The following TNFSF4 variants were observed in gnomAD, a reference collection of about 807,000 sequenced individuals.
The protein encoded by TNFSF4 is tumor necrosis factor ligand superfamily member 4.
In TNFSF4, 4 loss-of-function variants were observed where a neutral mutation model predicts 7.3. The observed-to-expected ratio is 0.55, with a 90% CI of 0.27 to 1.25. The LOEUF (loss-of-function observed/expected upper bound fraction) is 1.25, where lower values mean the gene tolerates loss of function less well. Among genes scored for constraint, TNFSF4 ranks in the 50% most tolerant of loss-of-function variants. The pLI, the probability that TNFSF4 is intolerant of heterozygous loss-of-function variation, is 0.12. For synonymous variants in TNFSF4, 76 were observed against 83.7 expected (o/e 0.91, Z 0.50); for missense variants, 181 against 208.8 (o/e 0.87, Z 0.82).
chr1:173,236,751 G>C, the TNFSF4 span, among the ~76,000 whole-genome samples: 2 of 152,040 alleles, frequency 1.3e-5, no homozygotes, highest in African/African-American at 2.4e-5. Flanking sequence ...CTAAACACCA[G>C]ATATTTTTAC....
At chr1:173,335,015 G>A in the TNFSF4 span, among the ~76,000 whole-genome samples, 1 of 152,048 alleles carries the variant, frequency 6.6e-6, no homozygotes, top group Non-Finnish European at 1.5e-5. Flanking sequence ...TTGAGTTTGT[G>A]GGATAATGGT....
At chr1:173,200,181 C>T (rs767054847) in intron 1 of TNFSF4, among the ~76,000 whole-genome samples, 10 of 152,234 alleles carry the variant, frequency 6.6e-5, no homozygotes, top group Non-Finnish European at 1.5e-4. Flanking sequence ...AGCTCAGACT[C>T]GTGGCCTCGT....
At chr1:173,362,585 C>A in the TNFSF4 span, 1 of 515,856 alleles carries the variant, frequency 1.9e-6, no homozygotes, top group South Asian at 1.5e-5. Flanking sequence ...TCTTTCAGTT[C>A]AACAGTTGCC....
chr1:173,339,751 C>G, the TNFSF4 span, among the ~76,000 whole-genome samples: 1 of 152,094 alleles, frequency 6.6e-6, no homozygotes, highest in East Asian at 1.9e-4. Context: ...GGTTAGTGTG[C>G]TTTTTGTTGT....
At chr1:173,389,072 G>A in the TNFSF4 span, among the ~76,000 whole-genome samples, 108,880 of 152,102 alleles carry the variant, frequency 0.72, 39,252 homozygotes, top group African/African-American at 0.82. Context: ...TTCTTTTTAC[G>A]AATGGTAGTG....
chr1:173,350,200 T>C, the TNFSF4 span, among the ~76,000 whole-genome samples: 1 of 152,338 alleles, frequency 6.6e-6, no homozygotes, highest in Admixed American at 6.5e-5. Context: ...AAGCTTGGTT[T>C]TGCTGACATT....
the TNFSF4 span, among the ~76,000 whole-genome samples, chr1:173,241,368 C>A: frequency 6.6e-6 from 1 of 152,192 alleles, no homozygotes; most frequent in African/African-American, 2.4e-5. Flanking sequence ...TATATATTGA[C>A]TTCTTTTCCT....
chr1:173,279,530 T>A, the TNFSF4 span, among the ~76,000 whole-genome samples: 1 of 152,106 alleles, frequency 6.6e-6, no homozygotes, highest in Admixed American at 6.6e-5. Context: ...TCCACTTGAG[T>A]AGCCAAACTC....
At chr1:173,256,313 T>G in the TNFSF4 span, among the ~76,000 whole-genome samples, 1 of 152,134 alleles carries the variant, frequency 6.6e-6, no homozygotes, top group Non-Finnish European at 1.5e-5. Context: ...AAGTTTCAGA[T>G]CAAGATGTCA....
the TNFSF4 span, among the ~76,000 whole-genome samples, chr1:173,327,807 C>T: frequency 1.3e-5 from 2 of 152,042 alleles, no homozygotes; most frequent in African/African-American, 2.4e-5. Flanking sequence ...CTATGAGATA[C>T]CATCTCACAC....
intron 1 of TNFSF4, among the ~76,000 whole-genome samples, chr1:173,202,094 TAAA>T (rs917520403): frequency 2.9e-5 from 4 of 139,260 alleles, no homozygotes; most frequent in Non-Finnish European, 6.2e-5. Flanking sequence ...CACATATATA[TAAA>T]AGAAGAAGAA....
the TNFSF4 span, among the ~76,000 whole-genome samples, chr1:173,447,724 A>T: frequency 1.3e-5 from 2 of 152,214 alleles, no homozygotes; most frequent in Non-Finnish European, 2.9e-5. Context: ...GGGAAAACAG[A>T]GGAATTAAAG....
the TNFSF4 span, among the ~76,000 whole-genome samples, chr1:173,325,883 C>T: frequency 6.6e-6 from 1 of 152,060 alleles, no homozygotes; most frequent in East Asian, 1.9e-4. Context: ...AACAGCTTAC[C>T]AACCAAAAAA....
At chr1:173,388,726 T>C in the TNFSF4 span, among the ~76,000 whole-genome samples, 1 of 152,258 alleles carries the variant, frequency 6.6e-6, no homozygotes, top group African/African-American at 2.4e-5. Flanking sequence ...TTATTTTTCA[T>C]GTAAAATGTT....
the TNFSF4 span, among the ~76,000 whole-genome samples, chr1:173,418,905 A>G: frequency 6.6e-6 from 1 of 152,244 alleles, no homozygotes; most frequent in African/African-American, 2.4e-5. Flanking sequence ...TGTGACCCCC[A>G]AATTTCATGT....
At chr1:173,201,138 C>T (rs1039779772) in intron 1 of TNFSF4, among the ~76,000 whole-genome samples, 7 of 152,078 alleles carry the variant, frequency 4.6e-5, no homozygotes, top group Non-Finnish European at 5.9e-5. Flanking sequence ...TAAGAAGAAA[C>T]GGAAATAGCC....
At chr1:173,359,510 T>TAAAAAAAAAAAAAA in the TNFSF4 span, among the ~76,000 whole-genome samples, 5 of 122,746 alleles carry the variant, frequency 4.1e-5, no homozygotes, top group African/African-American at 6.4e-5. Flanking sequence ...TTACCAGCTG[T>TAAAAAAAAAAAAAA]AAAAAAAAAA....
chr1:173,203,804 A>G (rs1217305008), intron 1 of TNFSF4, among the ~76,000 whole-genome samples: 2 of 152,204 alleles, frequency 1.3e-5, no homozygotes, highest in African/African-American at 4.8e-5. Context: ...TGGAAAAGCC[A>G]AGTTTCAATG....
At chr1:173,345,314 A>G in the TNFSF4 span, among the ~76,000 whole-genome samples, 1 of 152,212 alleles carries the variant, frequency 6.6e-6, no homozygotes, top group Non-Finnish European at 1.5e-5. Flanking sequence ...TGTGTTTGCC[A>G]TCAAGTGTTT....
Sources: allele counts gnomAD v4.1 joint callset (sites outside exome capture counted in the v4.1 genomes callset), GRCh38; gene constraint gnomAD v4.1.1; transcripts MANE v1.5; gene names NCBI Gene and HGNC (gene_info 2026-07-23, HGNC 2026-07-21).